The following EFNA5 variants were observed in gnomAD, a reference collection of about 807,000 sequenced individuals.
EFNA5 encodes ephrin-A5.
Under a neutral mutation model 22.9 loss-of-function variants are expected in EFNA5, and 5 were observed. The observed-to-expected ratio is 0.22, with a 90% CI of 0.11 to 0.46. EFNA5 has a LOEUF of 0.46. EFNA5 is among the 20% of genes least tolerant of loss of function. EFNA5 has a pLI of 0.99. For synonymous variants in EFNA5, 113 were observed against 112.2 expected (o/e 1.01, Z -0.04); for missense variants, 237 against 293.3 (o/e 0.81, Z 1.40).
chr5:107,656,656 A>C (rs1358282092), intron 1 of EFNA5, among the ~76,000 whole-genome samples: 2 of 152,054 alleles, frequency 1.3e-5, no homozygotes, highest in Non-Finnish European at 2.9e-5. Context: ...AGTATGATTG[A>C]CTTTATTCTT....
chr5:107,463,003 G>A (rs1749872682), intron 1 of EFNA5, among the ~76,000 whole-genome samples: 1 of 152,098 alleles, frequency 6.6e-6, no homozygotes, highest in Non-Finnish European at 1.5e-5. Flanking sequence ...CCATCCTGAT[G>A]CTGAATATGT....
intron 1 of EFNA5, among the ~76,000 whole-genome samples, chr5:107,514,719 T>C (rs1313651429): frequency 2.0e-5 from 3 of 152,158 alleles, no homozygotes; most frequent in Non-Finnish European, 2.9e-5. Context: ...CTCCAATGGC[T>C]TCCTGTCTCA....
At chr5:107,591,953 TATATAATATATATAATATATATA>T (rs1561443046) in intron 1 of EFNA5, among the ~76,000 whole-genome samples, 83 of 20,570 alleles carry the variant, frequency 4.0e-3, no homozygotes, top group Non-Finnish European at 6.0e-3. Context: ...TTATATATAA[TATATAATATATATAATATATATA>T]ATATATAATA....
chr5:107,419,305 G>C (rs1020981936), intron 2 of EFNA5, among the ~76,000 whole-genome samples: 1 of 152,058 alleles, frequency 6.6e-6, no homozygotes, highest in African/African-American at 2.4e-5. Flanking sequence ...AATGACTAGG[G>C]ACAACTTGAA....
chr5:107,439,820 A>T (rs940467452), intron 1 of EFNA5, among the ~76,000 whole-genome samples: 1 of 152,224 alleles, frequency 6.6e-6, no homozygotes, highest in Admixed American at 6.5e-5. Context: ...GAAAAGTCAC[A>T]TATTCCATTT....
At chr5:107,591,919 TATATATAATATATAATA>T (rs1749347995) in intron 1 of EFNA5, among the ~76,000 whole-genome samples, 4 of 6,316 alleles carry the variant, frequency 6.3e-4, no homozygotes, top group African/African-American at 2.0e-3. Context: ...ATAAAAAATA[TATATATAATATATAATA>T]TATATATTAT....
chr5:107,564,535 G>A (rs1473158328), intron 1 of EFNA5, among the ~76,000 whole-genome samples: 1 of 152,020 alleles, frequency 6.6e-6, no homozygotes, highest in Admixed American at 6.5e-5. Flanking sequence ...TCATAATACA[G>A]GTACCCAACA....
intron 1 of EFNA5, among the ~76,000 whole-genome samples, chr5:107,429,537 T>C (rs1193356106): frequency 1.3e-5 from 2 of 152,184 alleles, no homozygotes; most frequent in African/African-American, 4.8e-5. Flanking sequence ...GACAACATTG[T>C]GAAAAAGTAG....
In EFNA5 at chr5:107,592,013, AT is replaced by A. The variant is rs1222571004; in HGVS notation, c.125+78475del. On this transcript the variant is annotated intron_variant, in intron 1 of 4. Coordinates refer to ENST00000333274, the MANE Select transcript of EFNA5 (RefSeq NM_001962.3). ...ATAATATATATAATATATAATATAT[AT>A]AATATAATATATATTATATATTATA... Among the ~76,000 whole-genome samples the A allele has an allele frequency of 4.5e-4, 21 of 46,180 alleles. 1 individual carries two copies. Among genetic ancestry groups the A allele is most frequent in the African/African-American group, 2.0e-3 (16 of 8,090 alleles). 30.3% of individuals were successfully genotyped at this position (46,180 alleles called of 152,430 possible).
intron 1 of EFNA5, among the ~76,000 whole-genome samples, chr5:107,488,248 A>C (rs1464020369): frequency 6.6e-6 from 1 of 152,202 alleles, no homozygotes; most frequent in Non-Finnish European, 1.5e-5. Context: ...GGCTTAGTTC[A>C]ATTTTTTTAT....
At chr5:107,617,083 CAT>C (rs1318732646) in intron 1 of EFNA5, among the ~76,000 whole-genome samples, 1 of 152,050 alleles carries the variant, frequency 6.6e-6, no homozygotes, top group Non-Finnish European at 1.5e-5. Context: ...TTGCCCACTG[CAT>C]ATCTTCAGCT....
intron 2 of EFNA5, among the ~76,000 whole-genome samples, chr5:107,401,970 T>C (rs1264282375): frequency 1.3e-5 from 2 of 152,228 alleles, no homozygotes; most frequent in Middle Eastern, 3.2e-3. Flanking sequence ...AGCTCCTTTA[T>C]ACCATCGGCT....
At chr5:107,538,751 G>A (rs200329704) in intron 1 of EFNA5, among the ~76,000 whole-genome samples, 4 of 152,214 alleles carry the variant, frequency 2.6e-5, no homozygotes, top group Non-Finnish European at 5.9e-5. Context: ...GTTACTCCAC[G>A]CTATGTTCGT....
intron 1 of EFNA5, among the ~76,000 whole-genome samples, chr5:107,485,849 A>G (rs1422007642): frequency 1.3e-5 from 2 of 152,118 alleles, no homozygotes; most frequent in Non-Finnish European, 2.9e-5. Flanking sequence ...TTCATTTTAC[A>G]ATGTTCGTTT....
chr5:107,521,061 TG>T (rs1300082742), intron 1 of EFNA5, among the ~76,000 whole-genome samples: 1 of 152,214 alleles, frequency 6.6e-6, no homozygotes, highest in Non-Finnish European at 1.5e-5. Context: ...CCTATACAGA[TG>T]CTCCTTTGAC....
At chr5:107,582,411 A>G (rs4957704) in intron 1 of EFNA5, among the ~76,000 whole-genome samples, 24,732 of 152,170 alleles carry the variant, frequency 0.16, 2,616 homozygotes, top group Non-Finnish European at 0.24. Context: ...GATACTACAA[A>G]TAGTAAGTGA....
chr5:107,479,965 C>T (rs1258827724), intron 1 of EFNA5, among the ~76,000 whole-genome samples: 3 of 151,958 alleles, frequency 2.0e-5, no homozygotes, highest in Non-Finnish European at 2.9e-5. Flanking sequence ...TCGTACTCTC[C>T]GAAATTACCC....
Position 107,402,694 on chromosome 5 carries a change from C to T in EFNA5, c.419-14923G>A, listed in dbSNP as rs138467071. On this transcript the variant is annotated intron_variant, in intron 2 of 4. Transcript: ENST00000333274. ...AGCAACAGGGGGAAAGGAGTGTCTGCCTTATTTCATTACATTTATTATACT... is the reference window on the plus strand; with the variant it reads ...AGCAACAGGGGGAAAGGAGTGTCTGTCTTATTTCATTACATTTATTATACT... Among the ~76,000 whole-genome samples the T allele has an allele frequency of 1.5e-3, 222 of 152,260 alleles. 1 individual carries two copies. Among genetic ancestry groups the T allele is most frequent in the African/African-American group, 5.1e-3 (213 of 41,554 alleles).
chr5:107,461,162 C>T (rs929213605), intron 1 of EFNA5, among the ~76,000 whole-genome samples: 2 of 152,026 alleles, frequency 1.3e-5, no homozygotes, highest in African/African-American at 4.8e-5. Flanking sequence ...TTCCCAGGTT[C>T]CAGGAGACCT....
Sources: gnomAD v4.1 joint callset for allele counts (sites outside exome capture counted in the v4.1 genomes callset) on GRCh38, gnomAD v4.1.1 for gene constraint, MANE v1.5 for transcripts, NCBI Gene and HGNC (gene_info 2026-07-23, HGNC 2026-07-21) for gene names.